The following SRGAP3 variants were observed in gnomAD, a reference collection of about 807,000 sequenced individuals.
SRGAP3 encodes the protein SLIT-ROBO Rho GTPase-activating protein 3.
Under a neutral mutation model 121.1 loss-of-function variants are expected in SRGAP3, and 39 were observed. That is an observed-to-expected ratio of 0.32 (90% CI 0.25 to 0.42). The LOEUF is 0.42. Among genes scored for constraint, SRGAP3 ranks in the 10% least tolerant of loss-of-function variants. The pLI, the probability that SRGAP3 is intolerant of heterozygous loss-of-function variation, is 1.00. For synonymous variants in SRGAP3, 601 were observed against 570.0 expected (o/e 1.05, Z -0.77); for missense variants, 1,213 against 1,470.6 (o/e 0.82, Z 2.86).
chr3:9,165,440 C>T (rs886400049), intron 1 of SRGAP3, among the ~76,000 whole-genome samples: 19 of 152,220 alleles, frequency 1.2e-4, no homozygotes, highest in Admixed American at 2.0e-4. Flanking sequence ...CCCACCAAGG[C>T]ATCATTCCTT....
intron 3 of SRGAP3, among the ~76,000 whole-genome samples, chr3:9,317,668 G>A (rs1335915293): frequency 2.0e-5 from 3 of 152,214 alleles, no homozygotes; most frequent in Admixed American, 6.5e-5. Flanking sequence ...ATGTAGAAGG[G>A]AGGTTCTCAA....
chr3:9,054,975 CCTTT>C (rs1190469570), intron 8 of SRGAP3, among the ~76,000 whole-genome samples: 2 of 152,180 alleles, frequency 1.3e-5, no homozygotes, highest in Non-Finnish European at 2.9e-5. Flanking sequence ...GCTTCATTCT[CCTTT>C]CTTTGGCCCT....
At position 8,995,402 on chromosome 3, in the gene SRGAP3, G is replaced by C. The variant is rs570803981; in HGVS notation, c.2228-879C>G. On this transcript the variant is annotated intron_variant, in intron 18 of 21. Transcript: ENST00000383836. The stretch of plus-strand genomic sequence containing the variant: ...GAGGCAGGAAGATCACTTGAGCCTG[G>C]GAGGTTGAGGCTGCAGTGAGCCATG... Among the ~76,000 whole-genome samples the C allele has an allele frequency of 5.7e-4, 87 of 152,286 alleles. 2 individuals carry two copies. The highest frequency in any genetic ancestry group is 1.9e-3 in the African/African-American group (79 of 41,536).
rs1268575640 is a variant in SRGAP3 at position 9,032,375 on chromosome 3, C to A, written c.1539+275G>T. On this transcript the variant is annotated intron_variant, in intron 12 of 21. Coordinates refer to ENST00000383836, the MANE Select transcript of SRGAP3 (RefSeq NM_014850.4). Reference sequence around the variant, plus strand: ...GCAATGAAGCGTGAATGAAGTGTGGCATTTCAGCCATACTTGGACTTCCCT... The same window carrying A: ...GCAATGAAGCGTGAATGAAGTGTGGAATTTCAGCCATACTTGGACTTCCCT... Among the ~76,000 whole-genome samples, 3 of 152,202 alleles carry A rather than the reference C, an allele frequency of 2.0e-5. No individual in the cohort carries two copies. In the East Asian group the frequency reaches 5.8e-4, roughly 29 times the overall value.
chr3:9,259,470 A>AT (rs1293662260), intron 3 of SRGAP3, among the ~76,000 whole-genome samples: 1 of 151,958 alleles, frequency 6.6e-6, no homozygotes. Flanking sequence ...TGCCCAGCTA[A>AT]TTTTTTTATT....
intron 3 of SRGAP3, among the ~76,000 whole-genome samples, chr3:9,086,910 T>C (rs1023899251): frequency 2.6e-5 from 4 of 151,010 alleles, no homozygotes; most frequent in African/African-American, 7.3e-5. Flanking sequence ...GAATATAAAA[T>C]TGAATTTTTT....
chr3:9,223,103 G>C (rs1251950222), intron 1 of SRGAP3, among the ~76,000 whole-genome samples: 1 of 152,202 alleles, frequency 6.6e-6, no homozygotes, highest in African/African-American at 2.4e-5. Flanking sequence ...TTCCAGAACA[G>C]AGGTCAGCAA....
At chr3:9,010,409 G>C in intron 17 of SRGAP3, 22 bp from the exon 18 acceptor site, 1 of 1,613,712 alleles carries the variant, frequency 6.2e-7, no homozygotes, top group East Asian at 2.2e-5. Flanking sequence ...CACGGGAATG[G>C]GACTCACTGC....
chr3:9,348,581 G>T, intron 1 of SRGAP3: 1 of 857,480 alleles, frequency 1.2e-6, no homozygotes, highest in African/African-American at 1.6e-5. Context: ...GGTGCTGTGA[G>T]AAGCCGGCTG....
intron 1 of SRGAP3, among the ~76,000 whole-genome samples, chr3:9,163,409 G>A (rs772358251): frequency 5.3e-5 from 8 of 152,174 alleles, no homozygotes; most frequent in Non-Finnish European, 8.8e-5. Context: ...CAGACGGTGC[G>A]GCTCCCTTCA....
At chr3:9,261,552 A>AT (rs1197256838) in intron 3 of SRGAP3, among the ~76,000 whole-genome samples, 2 of 152,016 alleles carry the variant, frequency 1.3e-5, no homozygotes, top group Non-Finnish European at 2.9e-5. Context: ...TTCGTGAAGC[A>AT]TACACAAGTA....
chr3:9,221,500 A>G (rs1952812296), intron 1 of SRGAP3, among the ~76,000 whole-genome samples: 1 of 152,182 alleles, frequency 6.6e-6, no homozygotes, highest in Admixed American at 6.5e-5. Context: ...GGGCACCACC[A>G]TACTCCAGCC....
intron 15 of SRGAP3, 26 bp downstream of exon 15, chr3:9,015,571 G>A (rs1346727085): frequency 1.2e-6 from 2 of 1,613,178 alleles, no homozygotes; most frequent in East Asian, 2.2e-5. Context: ...TCAAAAAACT[G>A]ATCATTTCAC....
rs547367032 is a variant in SRGAP3, at chr3:9,039,128, A to G, written c.1409-1038T>C. On this transcript the variant is annotated intron_variant, in intron 10 of 21. Coordinates refer to ENST00000383836, the MANE Select transcript of SRGAP3 (RefSeq NM_014850.4). ...AAGGATCTCCTTGAGGCTGAATCCA[A>G]TGGTCTTCTCTGTCCTTATCGTACC... Among the ~76,000 whole-genome samples the G allele has an allele frequency of 5.3e-5, 8 of 152,284 alleles. No homozygotes were observed. In the South Asian group the frequency reaches 8.3e-4, roughly 16 times the overall value.
At chr3:9,102,665 C>T (rs1382049462) in intron 3 of SRGAP3, among the ~76,000 whole-genome samples, 2 of 152,230 alleles carry the variant, frequency 1.3e-5, no homozygotes, top group Non-Finnish European at 2.9e-5. Context: ...CCCCTGTGGG[C>T]TGGGTTGTTT....
At chr3:9,110,099 G>A (rs965925376) in intron 2 of SRGAP3, among the ~76,000 whole-genome samples, 31 of 152,212 alleles carry the variant, frequency 2.0e-4, no homozygotes, top group African/African-American at 6.5e-4. Flanking sequence ...CAGAGCCAGG[G>A]GCCGGGAGAG....
At chr3:9,064,838 G>A (rs2125210527) in intron 4 of SRGAP3, among the ~76,000 whole-genome samples, 1 of 148,496 alleles carries the variant, frequency 6.7e-6, no homozygotes, top group South Asian at 2.2e-4. Context: ...GCATGGGCTA[G>A]TAAAGAGGAA....
Position 9,182,736 on chromosome 3 carries a change from C to T in SRGAP3, c.68-57819G>A, listed in dbSNP as rs142379451. Among the ~76,000 whole-genome samples the T allele has an allele frequency of 4.6e-5, 7 of 152,252 alleles. No homozygotes were observed. The East Asian group carries it at 7.7e-4, about 17-fold the overall frequency. ...TGGCACAATCACAGCTCACTGCAGC[C>T]GTGAACTCTTGGGCTCAAGTGATGC... On this transcript the variant is annotated intron_variant, in intron 1 of 21. Coordinates refer to ENST00000383836, the MANE Select transcript of SRGAP3 (RefSeq NM_014850.4).
chr3:9,011,280 A>G (rs185325060), intron 17 of SRGAP3, among the ~76,000 whole-genome samples: 221 of 152,346 alleles, frequency 1.5e-3, no homozygotes, highest in African/African-American at 5.1e-3. Context: ...GAGGGGACCT[A>G]TAAAGAGTGG....
Sources: gnomAD v4.1 joint callset for allele counts (sites outside exome capture counted in the v4.1 genomes callset) on GRCh38, gnomAD v4.1.1 for gene constraint, MANE v1.5 for transcripts, NCBI Gene and HGNC (gene_info 2026-07-23, HGNC 2026-07-21) for gene names.